TTC28: variants seen among roughly 807,000 people sequenced by gnomAD.
TTC28 encodes tetratricopeptide repeat domain 28.
A neutral mutation model predicts 198.0 loss-of-function variants in TTC28; 61 were observed. The ratio of observed to expected loss-of-function variants is 0.31; its 90% CI spans 0.25 to 0.38. TTC28 has a LOEUF of 0.38. Among genes scored for constraint, TTC28 ranks in the 10% least tolerant of loss-of-function variants. TTC28 has a pLI of 1.00. For missense variants in TTC28, 2,678 were observed against 3,164.0 expected, an observed-to-expected ratio of 0.85 and a Z score of 3.69; for synonymous variants, 1,171 against 1,297.8, an observed-to-expected ratio of 0.90 and a Z score of 2.10.
intron 5 of TTC28, among the ~76,000 whole-genome samples, chr22:28,268,810 A>G (rs954550830): frequency 1.3e-5 from 2 of 152,130 alleles, no homozygotes; most frequent in Non-Finnish European, 2.9e-5. Flanking sequence ...TCACTTCATC[A>G]TGGTCTTTTT....
rs1218834812 is a variant in TTC28 at position 28,094,962 on chromosome 22, GA to G, written c.3767-718del. Among the ~76,000 whole-genome samples the G allele has an allele frequency of 2.0e-5, 3 of 152,050 alleles. No homozygotes were observed. The East Asian group carries it at 5.8e-4, about 29-fold the overall frequency. ...TCAGAGCCTCATTAAGAGCAAAAAGGAACGGAAAAAGAAACAATAGAAGCCT... is the reference window on the plus strand; with the variant it reads ...TCAGAGCCTCATTAAGAGCAAAAAGGACGGAAAAAGAAACAATAGAAGCCT... On this transcript the variant is annotated intron_variant, in intron 11 of 22. Coordinates refer to ENST00000397906, the MANE Select transcript of TTC28 (RefSeq NM_001145418.2).
At chr22:28,038,561 A>T (rs2146662933) in intron 12 of TTC28, among the ~76,000 whole-genome samples, 1 of 152,360 alleles carries the variant, frequency 6.6e-6, no homozygotes, top group East Asian at 1.9e-4. Flanking sequence ...AAAACCATAA[A>T]AACCCTAGAA....
intron 2 of TTC28, among the ~76,000 whole-genome samples, chr22:28,473,542 C>T (rs1364292814): frequency 6.6e-6 from 1 of 152,174 alleles, no homozygotes; most frequent in Non-Finnish European, 1.5e-5. Flanking sequence ...TTCTGAATAA[C>T]CCACCCCTTG....
chr22:28,390,741 G>T (rs2046704276), intron 2 of TTC28, among the ~76,000 whole-genome samples: 1 of 152,146 alleles, frequency 6.6e-6, no homozygotes, highest in Non-Finnish European at 1.5e-5. Context: ...GTGTGTCTCT[G>T]CATGTGAGAT....
Position 27,978,342 on chromosome 22 carries a change from T to A in TTC28, c.*3879A>T, listed in dbSNP as rs1936913624. On this transcript the variant is annotated 3_prime_UTR_variant, in exon 23 of 23. Transcript: ENST00000397906. ...AAACCACAGGTACACTCATTTTAGA[T>A]AGAACAGCAGAATAGGTGATGAAAA... The A allele has an allele frequency of 6.6e-6, 1 of 152,222 alleles. No homozygotes were observed. Among genetic ancestry groups the A allele is most frequent in the Admixed American group, 6.5e-5 (1 of 15,286 alleles). The allele number at this position is 152,222 out of a possible 1,614,324, so 9.4% of individuals were successfully genotyped here. A position where few individuals can be genotyped will look rare whatever the true frequency, so the allele number is the denominator to read the frequency against.
At chr22:28,359,705 G>A (rs991572726) in intron 2 of TTC28, among the ~76,000 whole-genome samples, 3 of 152,174 alleles carry the variant, frequency 2.0e-5, no homozygotes, top group African/African-American at 4.8e-5. Flanking sequence ...CCAAGCAGGT[G>A]CATGTTGGTA....
chr22:28,635,728 T>A (rs1343432942), intron 1 of TTC28, among the ~76,000 whole-genome samples: 3 of 152,196 alleles, frequency 2.0e-5, no homozygotes, highest in Non-Finnish European at 2.9e-5. Context: ...GATGTTTTGA[T>A]ATATGTATGC....
At chr22:28,616,890 G>T (rs1297855362) in intron 2 of TTC28, among the ~76,000 whole-genome samples, 1 of 151,732 alleles carries the variant, frequency 6.6e-6, no homozygotes, top group Non-Finnish European at 1.5e-5. Flanking sequence ...CAGTGAACAA[G>T]AATACAAGAA....
chr22:28,089,103 A>T (rs111591973), intron 12 of TTC28, among the ~76,000 whole-genome samples: 4 of 152,260 alleles, frequency 2.6e-5, no homozygotes, highest in South Asian at 4.1e-4. Flanking sequence ...GAAGTCAGTG[A>T]GGCGATTCCT....
At position 27,981,522 on chromosome 22, in the gene TTC28, A is replaced by AATT. The variant is rs1937023302; in HGVS notation, c.*696_*698dup. ...TAAAATGCCTGGATAAGAGTTACAT[A>AATT]ATTTTTTTTTTAAGAAAATTCAAGT... On this transcript the variant is annotated 3_prime_UTR_variant, in exon 23 of 23. Coordinates refer to ENST00000397906, the MANE Select transcript of TTC28 (RefSeq NM_001145418.2). The AATT allele has an allele frequency of 6.6e-6, 1 of 151,994 alleles. No homozygotes were observed. Among genetic ancestry groups the AATT allele is most frequent in the South Asian group, 2.1e-4 (1 of 4,824 alleles). 9.4% of individuals were successfully genotyped at this position (151,994 alleles called of 1,614,324 possible).
At chr22:28,388,636 GCTCT>G (rs1424723169) in intron 2 of TTC28, among the ~76,000 whole-genome samples, 4 of 152,060 alleles carry the variant, frequency 2.6e-5, no homozygotes, top group South Asian at 4.2e-4. Context: ...TCATGATTTG[GCTCT>G]CTGTCTGTTG....
At position 28,372,951 on chromosome 22, in the gene TTC28, G is replaced by C. The variant is rs1363354767; in HGVS notation, c.382-66308C>G. 3.9e-5 allele frequency among the ~76,000 whole-genome samples: 6 copies of C among 152,156 alleles called. No homozygotes were observed. In the East Asian group the frequency reaches 1.2e-3, roughly 29 times the overall value. ...CAGTGTATGTTTCTAGCTGAAGCTTGCATTTAGCTGAACCCCTCTTTTCTT... is the reference window on the plus strand; with the variant it reads ...CAGTGTATGTTTCTAGCTGAAGCTTCCATTTAGCTGAACCCCTCTTTTCTT... On this transcript the variant is annotated intron_variant, in intron 2 of 22. Transcript: ENST00000397906.
intron 2 of TTC28, among the ~76,000 whole-genome samples, chr22:28,392,566 C>T (rs897059704): frequency 5.9e-5 from 9 of 152,194 alleles, no homozygotes; most frequent in East Asian, 1.9e-4. Context: ...TTAAGCCCAT[C>T]GGAAAAGCGC....
chr22:28,001,194 G>T (rs780524552), intron 15 of TTC28, 180 bp downstream of exon 15: 6 of 713,540 alleles, frequency 8.4e-6, no homozygotes, highest in Non-Finnish European at 1.3e-5. Context: ...CATGAGGGCC[G>T]TGCCCCACTT....
chr22:28,335,846 A>G (rs1024994001), intron 2 of TTC28, among the ~76,000 whole-genome samples: 5 of 152,146 alleles, frequency 3.3e-5, no homozygotes, highest in African/African-American at 9.7e-5. Flanking sequence ...CTCCTGCCTG[A>G]TTGCCCTGGC....
chr22:28,561,172 C>T (rs1327616184), intron 2 of TTC28, among the ~76,000 whole-genome samples: 1 of 149,950 alleles, frequency 6.7e-6, no homozygotes, highest in Non-Finnish European at 1.5e-5. Context: ...CTCCCGGGTT[C>T]ATGCCATTCT....
At chr22:28,303,977 T>TA (rs1350122100) in intron 3 of TTC28, 1 of 151,376 alleles carries the variant, frequency 6.6e-6, no homozygotes, top group Non-Finnish European at 1.5e-5. Context: ...GAGGCTAAAA[T>TA]AAACAATGGC....
At chr22:28,295,593 G>C (rs563838116) in intron 5 of TTC28, among the ~76,000 whole-genome samples, 1 of 152,220 alleles carries the variant, frequency 6.6e-6, no homozygotes, top group East Asian at 1.9e-4. Context: ...TACTGCAGCT[G>C]GGATTTAAAT....
intron 2 of TTC28, among the ~76,000 whole-genome samples, chr22:28,389,264 T>G (rs1032825573): frequency 4.1e-4 from 63 of 152,288 alleles, no homozygotes; most frequent in African/African-American, 1.5e-3. Context: ...TTGAGGATTT[T>G]TGCATCGATG....
Sources: gnomAD v4.1 joint callset for allele counts (sites outside exome capture counted in the v4.1 genomes callset) on GRCh38, gnomAD v4.1.1 for gene constraint, MANE v1.5 for transcripts, NCBI Gene and HGNC (gene_info 2026-07-23, HGNC 2026-07-21) for gene names.